OPCML: variants seen among roughly 807,000 people sequenced by gnomAD.
OPCML encodes opioid-binding protein/cell adhesion molecule.
OPCML carries 13 observed loss-of-function variants against 37.8 expected under a neutral mutation model. The observed-to-expected ratio is 0.34, with a 90% confidence interval of 0.22 to 0.55. OPCML has a LOEUF of 0.55. OPCML is among the 20% of genes least tolerant of loss of function. The pLI, the probability that OPCML is intolerant of heterozygous loss-of-function variation, is 0.91. For missense variants in OPCML, 341 were observed against 435.6 expected, an observed-to-expected ratio of 0.78 and a Z score of 1.93; for synonymous variants, 176 against 168.8, an observed-to-expected ratio of 1.04 and a Z score of -0.33.
At chr11:132,800,205 A>AT (rs1215150061) in intron 2 of OPCML, among the ~76,000 whole-genome samples, 1 of 152,042 alleles carries the variant, frequency 6.6e-6, no homozygotes, top group African/African-American at 2.4e-5. Flanking sequence ...TTTAAATTTT[A>AT]TTTTTGGATT....
chr11:133,014,894 T>C (rs1019075138), intron 1 of OPCML, among the ~76,000 whole-genome samples: 1 of 152,192 alleles, frequency 6.6e-6, no homozygotes, highest in African/African-American at 2.4e-5. Context: ...TTAAGAGAAC[T>C]CTTGCATAAT....
At chr11:133,070,994 T>G (rs1948523644) in intron 1 of OPCML, among the ~76,000 whole-genome samples, 1 of 152,246 alleles carries the variant, frequency 6.6e-6, no homozygotes, top group African/African-American at 2.4e-5. Context: ...GAGATGACTC[T>G]GGATGTTCAC....
intron 1 of OPCML, among the ~76,000 whole-genome samples, chr11:132,976,038 G>A (rs191544417): frequency 6.6e-6 from 1 of 152,298 alleles, no homozygotes; most frequent in African/African-American, 2.4e-5. Flanking sequence ...GCTATCTCTT[G>A]AAACATAAGA....
intron 4 of OPCML, among the ~76,000 whole-genome samples, chr11:132,492,971 G>T (rs985153222): frequency 6.6e-6 from 1 of 152,202 alleles, no homozygotes; most frequent in African/African-American, 2.4e-5. Flanking sequence ...ACAGTACCTG[G>T]CATATAGTAG....
In OPCML at chr11:132,687,399, T is replaced by TAC. The variant is rs1565776223; in HGVS notation, c.147-30081_147-30080insGT. Among the ~76,000 whole-genome samples, 243 of 91,850 alleles carry TAC rather than the reference T, an allele frequency of 2.6e-3. 9 individuals carry two copies. The highest frequency in any genetic ancestry group is 0.014 in the African/African-American group (222 of 15,336). The allele number at this position is 91,850 out of a possible 152,430, so 60.3% of individuals were successfully genotyped here. A position where few individuals can be genotyped will look rare whatever the true frequency, so the allele number is the denominator to read the frequency against. The stretch of plus-strand genomic sequence containing the variant: ...ATATATATATATATATATATATATA[T>TAC]ATATATATATATATATATATATATA... On this transcript the variant is annotated intron_variant, in intron 2 of 7. Coordinates refer to ENST00000524381, the MANE Select transcript of OPCML (RefSeq NM_001012393.5).
At chr11:133,473,700 AT>A (rs1947168402) in intron 1 of OPCML, among the ~76,000 whole-genome samples, 1 of 152,128 alleles carries the variant, frequency 6.6e-6, no homozygotes, top group Non-Finnish European at 1.5e-5. Flanking sequence ...GCCCCTGCCT[AT>A]TTCTTGTTGC....
At chr11:132,821,137 G>A (rs1465968094) in intron 2 of OPCML, among the ~76,000 whole-genome samples, 4 of 152,212 alleles carry the variant, frequency 2.6e-5, no homozygotes, top group Non-Finnish European at 5.9e-5. Context: ...TGTGTCATAA[G>A]TAAGAGATTC....
intron 1 of OPCML, among the ~76,000 whole-genome samples, chr11:133,052,685 T>C (rs1274323026): frequency 6.6e-6 from 1 of 152,166 alleles, no homozygotes; most frequent in Non-Finnish European, 1.5e-5. Flanking sequence ...GGGATAGTGA[T>C]TGTTTCCCAG....
In OPCML at chr11:132,529,150, G is replaced by T; in HGVS notation, c.416C>A (p.Thr139Asn). ...PQIMNISSDI[T>N]VNEGSSVTLL... ...GGTCACACTGCTTCCCTCATTCACAGTGATGTCTGAGGAGATATTCATGAT... is the reference window on the plus strand; with the variant it reads ...GGTCACACTGCTTCCCTCATTCACATTGATGTCTGAGGAGATATTCATGAT... The change falls in exon 4 of 8, where the codon ACT becomes AAT. Residue 139 changes from threonine to asparagine, a missense_variant. Thr to Asn is a moderately conservative substitution (Grantham distance 65). Transcript: ENST00000524381. 6.2e-7 allele frequency: 1 copy of T among 1,612,984 alleles called. No homozygotes were observed. Among genetic ancestry groups the T allele is most frequent in the South Asian group, 1.1e-5 (1 of 90,890 alleles).
intron 1 of OPCML, among the ~76,000 whole-genome samples, chr11:133,041,016 A>G (rs1339199947): frequency 2.0e-5 from 3 of 152,210 alleles, no homozygotes; most frequent in Non-Finnish European, 1.5e-5. Flanking sequence ...AGGCTGAGAA[A>G]TACTGCAAGT....
chr11:132,842,338 A>C (rs1941331683), intron 2 of OPCML, among the ~76,000 whole-genome samples: 1 of 152,312 alleles, frequency 6.6e-6, no homozygotes, highest in Non-Finnish European at 1.5e-5. Context: ...TGATGGAATG[A>C]TATCTGTATT....
chr11:133,499,723 C>T (rs1265168711), intron 1 of OPCML, among the ~76,000 whole-genome samples: 1 of 149,458 alleles, frequency 6.7e-6, no homozygotes, highest in African/African-American at 2.5e-5. Context: ...ATTGGAAAAC[C>T]TTCCAGGAGA....
intron 2 of OPCML, among the ~76,000 whole-genome samples, chr11:132,691,052 C>T (rs1007810561): frequency 9.2e-5 from 14 of 152,274 alleles, no homozygotes; most frequent in Admixed American, 7.2e-4. Flanking sequence ...GTGGAAGATG[C>T]TGTTCTACAC....
chr11:132,931,094 A>G (rs777542484), intron 2 of OPCML, among the ~76,000 whole-genome samples: 13 of 152,158 alleles, frequency 8.5e-5, no homozygotes, highest in Non-Finnish European at 1.6e-4. Flanking sequence ...AATGGTGTTG[A>G]AAAAACTGGA....
At chr11:133,314,141 A>G (rs1430304128) in intron 1 of OPCML, among the ~76,000 whole-genome samples, 2 of 141,234 alleles carry the variant, frequency 1.4e-5, no homozygotes, top group East Asian at 2.3e-4. Context: ...AGGCTGAGGC[A>G]GGAGAATGGC....
chr11:132,589,143 G>T (rs537862284), intron 3 of OPCML, among the ~76,000 whole-genome samples: 1 of 152,240 alleles, frequency 6.6e-6, no homozygotes, highest in Admixed American at 6.5e-5. Context: ...TGAAGAATAT[G>T]CAATCCATCT....
intron 1 of OPCML, among the ~76,000 whole-genome samples, chr11:133,056,773 G>A (rs1948246674): frequency 6.6e-6 from 1 of 152,146 alleles, no homozygotes; most frequent in Non-Finnish European, 1.5e-5. Context: ...CTCATTCATG[G>A]ACATTGTTTT....
intron 7 of OPCML, among the ~76,000 whole-genome samples, chr11:132,428,418 A>T (rs2095984799): frequency 6.6e-6 from 1 of 152,248 alleles, no homozygotes; most frequent in African/African-American, 2.4e-5. Flanking sequence ...TACATCTTCT[A>T]AGTGCAGAAA....
chr11:133,201,832 C>A (rs755753158), intron 1 of OPCML, among the ~76,000 whole-genome samples: 11 of 152,116 alleles, frequency 7.2e-5, no homozygotes, highest in African/African-American at 2.7e-4. Context: ...GCCTTCTCAC[C>A]GCCTCTCCAA....
Sources: gnomAD v4.1 joint callset for allele counts (sites outside exome capture counted in the v4.1 genomes callset) on GRCh38, gnomAD v4.1.1 for gene constraint, MANE v1.5 for transcripts, NCBI Gene and HGNC (gene_info 2026-07-23, HGNC 2026-07-21) for gene names.